The following ZNF98 variants were observed in gnomAD, a reference collection of about 807,000 sequenced individuals.
ZNF98 encodes zinc finger protein 739.
A neutral mutation model predicts 12.8 loss-of-function variants in ZNF98; 8 were observed. The ratio of observed to expected loss-of-function variants is 0.63; its 90% CI spans 0.37 to 1.13. ZNF98 has a LOEUF of 1.13. Among genes scored for constraint, ZNF98 ranks in the 50% most tolerant of loss-of-function variants. ZNF98 has a pLI of 0.01. For missense variants in ZNF98, 379 were observed against 666.1 expected, an observed-to-expected ratio of 0.57 and a Z score of 4.74; for synonymous variants, 112 against 223.5, an observed-to-expected ratio of 0.50 and a Z score of 4.45.
At position 22,402,830 on chromosome 19, in the gene ZNF98, G is replaced by A; in HGVS notation, c.212C>T (p.Pro71Leu). The change falls in exon 3 of 4, where the codon CCT becomes CTT. Residue 71 changes from proline (P) to leucine (L), a missense_variant. Around this residue, in one of 8 missense-constraint regions of ZNF98, gnomAD observed 223 missense variants for 261.6 expected, o/e 0.85. Coordinates refer to ENST00000357774, the MANE Select transcript of ZNF98 (RefSeq NM_001098626.2). ...CATCTCATGTCTCTTCACATTCCAAGGTTCTTTTCCTTGCTCCAGACAGGT... is the reference window on the plus strand; with the variant it reads ...CATCTCATGTCTCTTCACATTCCAAAGTTCTTTTCCTTGCTCCAGACAGGT... ...LITCLEQGKE[P>L]WNVKRHEMVT... is the part of the protein sequence containing the mutation. 6.3e-7 allele frequency: 1 copy of A among 1,593,308 alleles called. No homozygotes were observed. The highest frequency in any genetic ancestry group is 8.5e-7 in the Non-Finnish European group (1 of 1,174,410).
intron 3 of ZNF98, chr19:22,402,270 A>T (rs1969468317): frequency 3.1e-6 from 1 of 319,462 alleles, no homozygotes; most frequent in Non-Finnish European, 5.6e-6. Context: ...TCTTGAAAAA[A>T]AAAGGACAAA....
At chr19:22,407,139 C>T (rs1469550622) in intron 1 of ZNF98, among the ~76,000 whole-genome samples, 1 of 151,842 alleles carries the variant, frequency 6.6e-6, no homozygotes, top group African/African-American at 2.4e-5. Flanking sequence ...TCACTGCAAC[C>T]TCCGCCTCCT....
intron 3 of ZNF98, among the ~76,000 whole-genome samples, chr19:22,396,652 A>C (rs1165381309): frequency 6.6e-6 from 1 of 152,180 alleles, no homozygotes; most frequent in Admixed American, 6.5e-5. Context: ...ATCTAATGAT[A>C]AAAAACACTA....
intron 1 of ZNF98, among the ~76,000 whole-genome samples, chr19:22,418,642 G>C (rs1969671217): frequency 6.6e-6 from 1 of 152,204 alleles, no homozygotes; most frequent in South Asian, 2.1e-4. Flanking sequence ...ACTTTGAGAG[G>C]CTGAGGCAGG....
chr19:22,391,404 T>C lies in ZNF98; in HGVS notation c.*112A>G. ...CCTGTGCAATAAGGTTTGAGCATTG[T>C]GTAAGTTTTGCCACACTGTTCACAC... is the stretch of plus-strand genomic sequence containing the variant. On this transcript the variant is annotated 3_prime_UTR_variant, in exon 4 of 4. Coordinates refer to ENST00000357774, the MANE Select transcript of ZNF98 (RefSeq NM_001098626.2). 2.0e-6 allele frequency: 3 copies of C among 1,483,656 alleles called. No homozygotes were observed. Among genetic ancestry groups the C allele is most frequent in the Non-Finnish European group, 8.9e-7 (1 of 1,118,556 alleles). The allele number at this position is 1,483,656 out of a possible 1,614,324, so 91.9% of individuals were successfully genotyped here.
intron 1 of ZNF98, among the ~76,000 whole-genome samples, chr19:22,415,648 G>A (rs923564717): frequency 6.7e-6 from 1 of 149,848 alleles, no homozygotes; most frequent in Non-Finnish European, 1.5e-5. Flanking sequence ...GCCAGGTCTG[G>A]TGGTGTGTGC....
At chr19:22,396,047 T>TA (rs10647548) in intron 3 of ZNF98, among the ~76,000 whole-genome samples, 60,589 of 149,744 alleles carry the variant, frequency 0.4, 12,532 homozygotes, top group Non-Finnish European at 0.46. Flanking sequence ...GTAAAAGTAT[T>TA]AAAAAAAAAC....
At chr19:22,405,511 C>G (rs1969509793) in intron 1 of ZNF98, among the ~76,000 whole-genome samples, 2 of 152,224 alleles carry the variant, frequency 1.3e-5, no homozygotes, top group South Asian at 4.2e-4. Context: ...CCCCCACCCC[C>G]CAGCCAAGAG....
At chr19:22,420,465 A>G (rs369700118) in intron 1 of ZNF98, among the ~76,000 whole-genome samples, 17 of 152,158 alleles carry the variant, frequency 1.1e-4, no homozygotes, top group Admixed American at 5.2e-4. Flanking sequence ...CCTCAATATC[A>G]GCATGTGATT....
chr19:22,395,444 C>T (rs1969380662), intron 3 of ZNF98, among the ~76,000 whole-genome samples: 1 of 151,466 alleles, frequency 6.6e-6, no homozygotes, highest in African/African-American at 2.4e-5. Context: ...ACCATATAAA[C>T]TTCAGAAAGA....
rs1362715706 is a variant in ZNF98 at position 22,392,826 on chromosome 19, C to A, written c.409G>T (p.Glu137Ter). The A allele has an allele frequency of 6.2e-7, 1 of 1,612,132 alleles. No individual in the cohort carries two copies. Among genetic ancestry groups the A allele is most frequent in the African/African-American group, 1.3e-5 (1 of 74,880 alleles). The change falls in exon 4 of 4, where the codon GAA becomes TAA. Residue 137 changes from glutamate to a stop codon, truncating the protein, a stop_gained. Coordinates refer to ENST00000357774, the MANE Select transcript of ZNF98 (RefSeq NM_001098626.2). LOFTEE classifies it low-confidence loss of function (END_TRUNC). ...KSMDECKVHK[E>*]CYNGLNQCLT... ...CACTGGTTAAGTCCATTGTAACATT[C>A]TTTGTGCACCTTACACTCATCCATG...
chr19:22,399,772 G>A (rs1394023600), intron 3 of ZNF98, among the ~76,000 whole-genome samples: 1 of 152,150 alleles, frequency 6.6e-6, no homozygotes, highest in Non-Finnish European at 1.5e-5. Context: ...AATAAATGGT[G>A]CCTTATTTGC....
intron 1 of ZNF98, among the ~76,000 whole-genome samples, chr19:22,414,351 T>C (rs1194850696): frequency 6.6e-6 from 1 of 151,700 alleles, no homozygotes; most frequent in African/African-American, 2.4e-5. Flanking sequence ...CAAAAACATT[T>C]CTTAACAGAA....
In ZNF98 at chr19:22,422,178, G is replaced by C; in HGVS notation, c.30+17C>G. 2 of 1,612,782 alleles carry C rather than the reference G, an allele frequency of 1.2e-6. No individual in the cohort carries two copies. Among genetic ancestry groups the C allele is most frequent in the Admixed American group, 1.7e-5 (1 of 59,964 alleles). On this transcript the variant is annotated intron_variant, in intron 1 of 3. Coordinates refer to ENST00000357774, the MANE Select transcript of ZNF98 (RefSeq NM_001098626.2). ...GCCCCTTCTCCTCTCTAGGGATGTC[G>C]GACTCGGCACTCTCACCATTTCTAG...
At chr19:22,401,656 T>C (rs1000619349) in intron 3 of ZNF98, among the ~76,000 whole-genome samples, 1 of 151,660 alleles carries the variant, frequency 6.6e-6, no homozygotes. Flanking sequence ...ACTAATTTTT[T>C]GTATTTTTAG....
chr19:22,400,413 T>G (rs192917219), intron 3 of ZNF98, among the ~76,000 whole-genome samples: 6,757 of 137,976 alleles, frequency 0.049, 456 homozygotes, highest in African/African-American at 0.18. Flanking sequence ...CAGACCCAAG[T>G]GCAGAAATCT....
At chr19:22,409,913 CAAAAA>C (rs71180546) in intron 1 of ZNF98, among the ~76,000 whole-genome samples, 1,610 of 89,384 alleles carry the variant, frequency 0.018, 5 homozygotes, top group Non-Finnish European at 0.026. Context: ...CTCTATCTCA[CAAAAA>C]AAAAAAAAAA....
At chr19:22,418,500 C>T (rs1038835550) in intron 1 of ZNF98, among the ~76,000 whole-genome samples, 13 of 152,158 alleles carry the variant, frequency 8.5e-5, no homozygotes, top group Non-Finnish European at 1.9e-4. Flanking sequence ...ACATGCTTTC[C>T]ATTATGACTT....
chr19:22,409,227 G>A (rs10420395), intron 1 of ZNF98, among the ~76,000 whole-genome samples: 8 of 152,202 alleles, frequency 5.3e-5, no homozygotes, highest in Middle Eastern at 3.4e-3. Context: ...TGAGAAAACC[G>A]GCTAGCCATA....
Sources: allele counts gnomAD v4.1 joint callset (sites outside exome capture counted in the v4.1 genomes callset), GRCh38; gene constraint gnomAD v4.1.1; regional missense constraint gnomAD v4.1.1; transcripts MANE v1.5; gene names NCBI Gene and HGNC (gene_info 2026-07-23, HGNC 2026-07-21).